The following DGKB variants were observed in gnomAD, a reference collection of about 807,000 sequenced individuals.
The protein encoded by DGKB is diacylglycerol kinase beta, also known as 90 kDa diacylglycerol kinase.
DGKB carries 67 observed loss-of-function variants against 114.3 expected under a neutral mutation model. That is an observed-to-expected ratio of 0.59 (90% CI 0.48 to 0.72). The LOEUF is 0.72. Ranked by LOEUF, DGKB falls within the 30% of genes least tolerant of loss-of-function variation. The pLI, the probability that DGKB is intolerant of heterozygous loss-of-function variation, is 0.00. For synonymous variants in DGKB, 398 were observed against 323.1 expected (o/e 1.23, Z -2.49); for missense variants, 907 against 975.2 (o/e 0.93, Z 0.93).
chr7:14,709,172 T>C (rs1192509880), intron 6 of DGKB, among the ~76,000 whole-genome samples: 10 of 151,846 alleles, frequency 6.6e-5, no homozygotes, highest in Non-Finnish European at 1.3e-4. Flanking sequence ...AACAGACACT[T>C]CTCAAAAGAA....
chr7:14,702,592 A>G (rs1825389988), intron 6 of DGKB, among the ~76,000 whole-genome samples: 1 of 152,206 alleles, frequency 6.6e-6, no homozygotes, highest in South Asian at 2.1e-4. Context: ...AGGAGGCCAC[A>G]GGTGCCATTT....
At chr7:14,641,258 TAGGG>T in intron 13 of DGKB, among the ~76,000 whole-genome samples, 2 of 16,866 alleles carry the variant, frequency 1.2e-4, no homozygotes, top group Admixed American at 8.9e-4. Flanking sequence ...GTTTACAATA[TAGGG>T]ATTTGGTTTA....
chr7:14,722,277 C>A (rs577383906), intron 5 of DGKB, among the ~76,000 whole-genome samples: 1 of 152,210 alleles, frequency 6.6e-6, no homozygotes, highest in African/African-American at 2.4e-5. Context: ...GCCCTCCCAA[C>A]AATCTCTGAA....
chr7:14,879,646 T>C (rs1229932355), intron 1 of DGKB, among the ~76,000 whole-genome samples: 1 of 152,206 alleles, frequency 6.6e-6, no homozygotes, highest in Non-Finnish European at 1.5e-5. Context: ...TGTAAAACCC[T>C]TTTCTTTGAC....
intron 23 of DGKB, among the ~76,000 whole-genome samples, chr7:14,291,268 G>T (rs560697784): frequency 6.6e-6 from 1 of 152,224 alleles, no homozygotes; most frequent in South Asian, 2.1e-4. Context: ...AAGTATTAGG[G>T]AGGAATTGGC....
intron 20 of DGKB, among the ~76,000 whole-genome samples, chr7:14,569,017 C>G (rs1193486427): frequency 6.6e-6 from 1 of 152,114 alleles, no homozygotes; most frequent in East Asian, 1.9e-4. Flanking sequence ...TCCTTCAACT[C>G]CACTATTTGT....
chr7:14,452,505 G>A (rs774049020), intron 21 of DGKB, among the ~76,000 whole-genome samples: 10 of 151,954 alleles, frequency 6.6e-5, no homozygotes, highest in Non-Finnish European at 1.3e-4. Flanking sequence ...TATGTGGATA[G>A]CAGCTAACAT....
chr7:14,733,594 A>C (rs571840092), intron 5 of DGKB, among the ~76,000 whole-genome samples: 1 of 152,264 alleles, frequency 6.6e-6, no homozygotes, highest in East Asian at 1.9e-4. Context: ...AGGTTGGGGC[A>C]GGAGGATCTC....
At position 14,145,786 on chromosome 7, in the gene DGKB, C is replaced by G. The variant is rs1234095104; in HGVS notation, c.*3345G>C. 6.6e-6 allele frequency: 1 copy of G among 152,126 alleles called. No individual in the cohort carries two copies. The highest frequency in any genetic ancestry group is 1.5e-5 in the Non-Finnish European group (1 of 68,034). 9.4% of individuals were successfully genotyped at this position (152,126 alleles called of 1,614,324 possible). On this transcript the variant is annotated 3_prime_UTR_variant, in exon 26 of 26. Coordinates refer to ENST00000402815, the MANE Select transcript of DGKB (RefSeq NM_001350709.2). The stretch of plus-strand genomic sequence containing the variant: ...TTTCCTTTTTATAACCAATGAACAA[C>G]AAACTAACGTTGACACAAAAAGGAA...
intron 23 of DGKB, among the ~76,000 whole-genome samples, chr7:14,326,442 A>T (rs1257572940): frequency 6.6e-6 from 1 of 152,124 alleles, no homozygotes; most frequent in Non-Finnish European, 1.5e-5. Context: ...AGTCAGGTGG[A>T]GCGGTGCTAC....
At chr7:14,429,081 T>G (rs947708528) in intron 21 of DGKB, among the ~76,000 whole-genome samples, 11 of 152,150 alleles carry the variant, frequency 7.2e-5, no homozygotes, top group Non-Finnish European at 1.2e-4. Flanking sequence ...AGAAGGCATA[T>G]TGAAAACAGA....
rs191233473 is a variant in DGKB, at chr7:14,897,492, T to C, written c.-188+5100A>G. Among the ~76,000 whole-genome samples the C allele has an allele frequency of 2.0e-5, 3 of 151,862 alleles. No individual in the cohort carries two copies. The Admixed American group carries it at 2.0e-4, about 10-fold the overall frequency. ...TTTAAGAAACAATTAAAAATCACCTTTTCACAACTTCACACTATTGTCCCA... is the reference window on the plus strand; with the variant it reads ...TTTAAGAAACAATTAAAAATCACCTCTTCACAACTTCACACTATTGTCCCA... On this transcript the variant is annotated intron_variant, in intron 1 of 25. Transcript: ENST00000402815.
At chr7:14,198,869 G>A (rs1299025174) in intron 23 of DGKB, among the ~76,000 whole-genome samples, 2 of 152,114 alleles carry the variant, frequency 1.3e-5, no homozygotes, top group East Asian at 3.9e-4. Flanking sequence ...GAAGGACAGG[G>A]CGAACTGTGC....
At chr7:14,951,955 C>T (rs1786222935) in intron 1 of DGKB, among the ~76,000 whole-genome samples, 1 of 151,950 alleles carries the variant, frequency 6.6e-6, no homozygotes, top group Admixed American at 6.6e-5. Flanking sequence ...AGAGTGTCCC[C>T]CTACCCCATT....
At chr7:14,905,967 T>G (rs114677735), upstream of DGKB, among the ~76,000 whole-genome samples, 1 of 152,228 alleles carries the variant, frequency 6.6e-6, no homozygotes, top group African/African-American at 2.4e-5. Context: ...CTTCTCAGGG[T>G]CTCTAAGTGT....
At chr7:14,852,487 C>CAAAAAAAAAAAACAAAACAA in intron 1 of DGKB, among the ~76,000 whole-genome samples, 5 of 63,636 alleles carry the variant, frequency 7.9e-5, no homozygotes, top group Non-Finnish European at 1.5e-4. Flanking sequence ...TAGTGAAAGT[C>CAAAAAAAAAAAACAAAACAA]AAAAAAAAAA....
chr7:14,152,907 C>T (rs775369042), intron 25 of DGKB, among the ~76,000 whole-genome samples: 1 of 152,020 alleles, frequency 6.6e-6, no homozygotes, highest in Admixed American at 6.6e-5. Context: ...AAGTGTTTTA[C>T]ACACGTTATT....
At chr7:14,846,444 G>T (rs73680351) in intron 1 of DGKB, among the ~76,000 whole-genome samples, 2,549 of 152,258 alleles carry the variant, frequency 0.017, 80 homozygotes, top group African/African-American at 0.059. Context: ...TATGAAAAAA[G>T]AAATGTTTCA....
At chr7:14,319,906 T>A (rs1471366476) in intron 23 of DGKB, among the ~76,000 whole-genome samples, 5 of 152,170 alleles carry the variant, frequency 3.3e-5, no homozygotes, top group African/African-American at 9.7e-5. Flanking sequence ...TTGGAACACT[T>A]TGTTAAGATC....
Sources: allele counts gnomAD v4.1 joint callset (sites outside exome capture counted in the v4.1 genomes callset), GRCh38; gene constraint gnomAD v4.1.1; transcripts MANE v1.5; gene names NCBI Gene and HGNC (gene_info 2026-07-23, HGNC 2026-07-21).